Variants in SMAD6 observed in about 807,000 individuals in gnomAD.
SMAD6 encodes the protein MAD homolog 6.
SMAD6 carries 103 observed loss-of-function variants against 39.4 expected under a neutral mutation model. The ratio of observed to expected loss-of-function variants is 2.62; its 90% CI spans 2.23 to 3.08. The LOEUF (loss-of-function observed/expected upper bound fraction) is 3.08. Ranked by LOEUF, SMAD6 falls within the 30% of genes most tolerant of loss-of-function variation. SMAD6 has a pLI of 0.00. For synonymous variants in SMAD6, 445 were observed against 353.3 expected (o/e 1.26, Z -2.91); for missense variants, 1,104 against 742.9 (o/e 1.49, Z -5.65).
intron 3 of SMAD6, among the ~76,000 whole-genome samples, chr15:66,767,072 C>T (rs1179311188): frequency 6.6e-6 from 1 of 152,194 alleles, no homozygotes; most frequent in Non-Finnish European, 1.5e-5. Context: ...AATGATTCAA[C>T]TTCTTCAAGA....
chr15:66,704,034 T>C lies in SMAD6; in HGVS notation c.776T>C (p.Val259Ala), dbSNP rs1049275389. Residue 259 changes from valine to alanine, a missense_variant, in exon 1 of 4, where the codon GTG becomes GCG. By Grantham distance (64) the Val-to-Ala change is moderately conservative. Transcript: ENST00000288840. ...GCCGCCGCCGCCGACGGCCCTACCG[T>C]GTGCTGCAACCCCTACCACTTCAGC... ...SFAAAADGPTVCCNPYHFSRL... is the reference protein window; with the variant it reads ...SFAAAADGPTACCNPYHFSRL... The C allele has an allele frequency of 5.7e-5, 87 of 1,513,680 alleles. No individual in the cohort carries two copies. Among genetic ancestry groups the C allele is most frequent in the Non-Finnish European group, 7.5e-5 (85 of 1,140,496 alleles). The allele number at this position is 1,513,680 out of a possible 1,614,324, so 93.8% of individuals were successfully genotyped here.
chr15:66,761,967 G>A (rs1894208180), intron 3 of SMAD6, among the ~76,000 whole-genome samples: 1 of 152,214 alleles, frequency 6.6e-6, no homozygotes, highest in Non-Finnish European at 1.5e-5. Context: ...TGAATTGGGA[G>A]CAAGGAAGTG....
At chr15:66,729,243 C>T (rs911879299) in intron 3 of SMAD6, among the ~76,000 whole-genome samples, 2 of 152,172 alleles carry the variant, frequency 1.3e-5, no homozygotes, top group African/African-American at 2.4e-5. Flanking sequence ...CCTGCATCTC[C>T]CTGCATCCCC....
intron 3 of SMAD6, among the ~76,000 whole-genome samples, chr15:66,778,195 C>T (rs1360420458): frequency 6.6e-6 from 1 of 151,560 alleles, no homozygotes; most frequent in African/African-American, 2.4e-5. Context: ...ATCCTCCTGT[C>T]TCAGCTTCCC....
rs769503778 is a variant in SMAD6, at chr15:66,702,823, G to A, written c.-436G>A. 6.2e-6 allele frequency: 1 copy of A among 161,502 alleles called. No homozygotes were observed. Among genetic ancestry groups the A allele is most frequent in the South Asian group, 2.0e-4 (1 of 4,906 alleles). The allele number at this position is 161,502 out of a possible 1,614,324, so 10.0% of individuals were successfully genotyped here. A position where few individuals can be genotyped will look rare whatever the true frequency, so the allele number is the denominator to read the frequency against. On this transcript the variant is annotated 5_prime_UTR_variant, in exon 1 of 4. Transcript: ENST00000288840. ...TTAAGCGCTTTGGTTTAAAAAAAAG[G>A]CAAGGTAAAGGCAGGGCTTTCCAGA...
chr15:66,706,861 G>C (rs536908736), intron 1 of SMAD6: 62 of 152,396 alleles, frequency 4.1e-4, no homozygotes, highest in African/African-American at 1.5e-3. Context: ...TGTGGCCTTG[G>C]GGCTAGTTTC....
chr15:66,717,643 A>T (rs1176217299), intron 3 of SMAD6: 1 of 359,662 alleles, frequency 2.8e-6, no homozygotes, highest in African/African-American at 2.1e-5. Context: ...TTGCCTATCC[A>T]TTCCCTTCTC....
chr15:66,712,822 C>A (rs964345827), intron 2 of SMAD6, among the ~76,000 whole-genome samples: 1 of 151,518 alleles, frequency 6.6e-6, no homozygotes, highest in Admixed American at 6.6e-5. Context: ...GCCTGGGCAA[C>A]ATAGCAAGAC....
Position 66,781,148 on chromosome 15 carries a change from G to A in SMAD6, c.1104G>A (p.Leu368=). 1 of 1,608,282 alleles carries A rather than the reference G, an allele frequency of 6.2e-7. No individual in the cohort carries two copies. The highest frequency in any genetic ancestry group is 8.5e-7 in the Non-Finnish European group (1 of 1,179,758). ...TACCTCAGGGCAGCGGCTTCTGCCT[G>A]GGCCAGCTCAACCTGGAGCAGCGCA... ...YDLPQGSGFC[L]GQLNLEQRSE... The change falls in exon 4 of 4, where the codon CTG becomes CTA. Residue 368 remains leucine, a synonymous_variant. Transcript: ENST00000288840.
In SMAD6 at chr15:66,703,653, G is replaced by A; in HGVS notation, c.395G>A (p.Arg132Gln). ...GTGACCTGCTGTCTCTTTTCGGAGCGGGACGCCGCCGGCGCGCCCCGGGAC... is the reference window on the plus strand; with the variant it reads ...GTGACCTGCTGTCTCTTTTCGGAGCAGGACGCCGCCGGCGCGCCCCGGGAC... ...ETVTCCLFSE[R>Q]DAAGAPRDAS... Residue 132 changes from arginine to glutamine, a missense_variant, in exon 1 of 4, where the codon CGG becomes CAG. Physicochemically the swap from Arg to Gln is conservative, Grantham distance 43. Coordinates refer to ENST00000288840, the MANE Select transcript of SMAD6 (RefSeq NM_005585.5). The A allele has an allele frequency of 3.2e-6, 4 of 1,232,258 alleles. No individual in the cohort carries two copies. Among genetic ancestry groups the A allele is most frequent in the Non-Finnish European group, 3.0e-6 (3 of 986,660 alleles). The allele number at this position is 1,232,258 out of a possible 1,614,324, so 76.3% of individuals were successfully genotyped here.
chr15:66,749,429 G>T (rs1205153713), intron 3 of SMAD6, among the ~76,000 whole-genome samples: 1 of 152,152 alleles, frequency 6.6e-6, no homozygotes, highest in Admixed American at 6.5e-5. Flanking sequence ...TTGCACTCCA[G>T]CCTGGACAAC....
chr15:66,716,988 G>A, intron 3 of SMAD6: 1 of 1,289,262 alleles, frequency 7.8e-7, no homozygotes, highest in South Asian at 1.2e-5. Context: ...AAAGCCAGTG[G>A]TTTCTGTGTC....
Position 66,704,047 on chromosome 15 carries a change from CT to C in SMAD6, c.790del (p.Tyr264ThrfsTer275). ...ADGPTVCCNP[Y>X]HFSRLCGPES... ...ACGGCCCTACCGTGTGCTGCAACCC[CT>C]ACCACTTCAGCCGGCTCTGCGGGCC... On this transcript the variant is annotated frameshift_variant, in exon 1 of 4. Coordinates refer to ENST00000288840, the MANE Select transcript of SMAD6 (RefSeq NM_005585.5). LOFTEE classifies it high-confidence loss of function. 1 of 1,510,528 alleles carries C rather than the reference CT, an allele frequency of 6.6e-7. No homozygotes were observed. Among genetic ancestry groups the C allele is most frequent in the Non-Finnish European group, 8.8e-7 (1 of 1,138,578 alleles). The allele number at this position is 1,510,528 out of a possible 1,614,324, so 93.6% of individuals were successfully genotyped here. A position where few individuals can be genotyped will look rare whatever the true frequency, so the allele number is the denominator to read the frequency against.
At position 66,708,764 on chromosome 15, in the gene SMAD6, T is replaced by A. The variant is rs1271008540; in HGVS notation, c.818-2904T>A. ...GTAAGTTAGTGGTTGCCCAGGGTTTTGGGGTTGGGGTCTAGAAAGTGACTG... is the reference window on the plus strand; with the variant it reads ...GTAAGTTAGTGGTTGCCCAGGGTTTAGGGGTTGGGGTCTAGAAAGTGACTG... On this transcript the variant is annotated intron_variant, in intron 1 of 3. Coordinates refer to ENST00000288840, the MANE Select transcript of SMAD6 (RefSeq NM_005585.5). 3 of 470,708 alleles carry A rather than the reference T, an allele frequency of 6.4e-6. No homozygotes were observed. The East Asian group carries it at 2.1e-4, about 33-fold the overall frequency. The allele number at this position is 470,708 out of a possible 1,614,324, so 29.2% of individuals were successfully genotyped here.
chr15:66,706,140 A>G (rs1372029460), intron 1 of SMAD6: 8 of 152,256 alleles, frequency 5.3e-5, no homozygotes, highest in Admixed American at 5.2e-4. Context: ...AAGCTGCAGT[A>G]GAACAGTTCT....
rs1166776083 is a variant in SMAD6, at chr15:66,781,097, C to T, written c.1053C>T (p.Asp351=). ...TGGGCCGCCTCTATGCGGTGTACGA[C>T]CAGGCCGTCAGCATCTTCTACGACC... ...TRVGRLYAVY[D]QAVSIFYDLP... is the part of the protein sequence containing the mutation. Residue 351 remains aspartate, a synonymous_variant, in exon 4 of 4, where the codon GAC becomes GAT. Coordinates refer to ENST00000288840, the MANE Select transcript of SMAD6 (RefSeq NM_005585.5). The T allele has an allele frequency of 5.6e-6, 9 of 1,608,512 alleles. No individual in the cohort carries two copies. The highest frequency in any genetic ancestry group is 6.8e-6 in the Non-Finnish European group (8 of 1,179,526).
At chr15:66,765,232 C>CT (rs368571249) in intron 3 of SMAD6, among the ~76,000 whole-genome samples, 3,387 of 149,784 alleles carry the variant, frequency 0.023, 99 homozygotes, top group African/African-American at 0.077. Context: ...CTCAGGACTT[C>CT]TTTTTTTTTT....
At chr15:66,744,584 C>T (rs1453225293) in intron 3 of SMAD6, among the ~76,000 whole-genome samples, 1 of 152,254 alleles carries the variant, frequency 6.6e-6, no homozygotes, top group Non-Finnish European at 1.5e-5. Flanking sequence ...GTGTTACCCA[C>T]AGAAGCTGAT....
At chr15:66,735,927 G>C (rs1049072756) in intron 3 of SMAD6, among the ~76,000 whole-genome samples, 2 of 152,252 alleles carry the variant, frequency 1.3e-5, no homozygotes, top group Non-Finnish European at 2.9e-5. Context: ...AAGAGGACCT[G>C]GACAGGGTGT....
Sources: allele counts gnomAD v4.1 joint callset (sites outside exome capture counted in the v4.1 genomes callset), GRCh38; gene constraint gnomAD v4.1.1; transcripts MANE v1.5; gene names NCBI Gene and HGNC (gene_info 2026-07-23, HGNC 2026-07-21).